The following BANP variants were observed in gnomAD, a reference collection of about 807,000 sequenced individuals.
BANP encodes protein BANP.
In BANP, 11 loss-of-function variants were observed where a neutral mutation model predicts 68.1. That is an observed-to-expected ratio of 0.16 (90% CI 0.10 to 0.27). The LOEUF (loss-of-function observed/expected upper bound fraction) is 0.27, where lower values mean the gene tolerates loss of function less well. BANP is among the 10% of genes least tolerant of loss of function. The pLI is 1.00. For missense variants in BANP, 504 were observed against 722.7 expected, an observed-to-expected ratio of 0.70 and a Z score of 3.47; for synonymous variants, 329 against 303.2, an observed-to-expected ratio of 1.09 and a Z score of -0.88.
chr16:88,005,659 G>T (rs1279124660), intron 5 of BANP, among the ~76,000 whole-genome samples: 1 of 152,178 alleles, frequency 6.6e-6, no homozygotes, highest in African/African-American at 2.4e-5. Flanking sequence ...CTCGCATTGC[G>T]AGGGGGAGCC....
At chr16:88,001,887 G>A (rs1278682521) in intron 4 of BANP, among the ~76,000 whole-genome samples, 1 of 146,892 alleles carries the variant, frequency 6.8e-6, no homozygotes, top group Non-Finnish European at 1.5e-5. Context: ...AAAAATTTAT[G>A]TTCCTAACCA....
At chr16:88,052,138 C>G (rs1424505318) in intron 11 of BANP, among the ~76,000 whole-genome samples, 1 of 152,138 alleles carries the variant, frequency 6.6e-6, no homozygotes, top group Non-Finnish European at 1.5e-5. Flanking sequence ...GTTCTAATTA[C>G]TACTAAATTG....
In BANP at chr16:88,004,373, C is replaced by G; in HGVS notation, c.441C>G (p.Ser147Arg). 1 of 1,547,542 alleles carries G rather than the reference C, an allele frequency of 6.5e-7. No individual in the cohort carries two copies. The highest frequency in any genetic ancestry group is 8.7e-7 in the Non-Finnish European group (1 of 1,144,394). The change falls in exon 5 of 14, where the codon AGC (serine) becomes AGG (arginine). Residue 147 changes from serine to arginine, a missense_variant. Transcript: ENST00000682872. The surrounding 1 kb of genome is among the most constrained non-coding windows in gnomAD (Gnocchi z 7.0). ...AIVAKMEDPLSNRAPDSLENV... is the reference protein window; with the variant it reads ...AIVAKMEDPLRNRAPDSLENV... Reference sequence around the variant, plus strand: ...TAGCCAAGATGGAAGACCCCTTGAGCAACAGGGCACCGGATTCCCTGGAAA... The same window carrying G: ...TAGCCAAGATGGAAGACCCCTTGAGGAACAGGGCACCGGATTCCCTGGAAA...
chr16:88,041,981 C>T (rs963015482), intron 11 of BANP, among the ~76,000 whole-genome samples: 2 of 152,056 alleles, frequency 1.3e-5, no homozygotes, highest in Non-Finnish European at 2.9e-5. Context: ...GGGTGAGAGA[C>T]GCAGTAGGAG....
chr16:88,029,419 C>T (rs2077656516), intron 8 of BANP, among the ~76,000 whole-genome samples: 1 of 148,752 alleles, frequency 6.7e-6, no homozygotes, highest in Non-Finnish European at 1.5e-5. Flanking sequence ...ACCATCCTGG[C>T]TAACACGGTG....
chr16:88,028,984 C>A (rs571542458), intron 8 of BANP, among the ~76,000 whole-genome samples: 100 of 152,294 alleles, frequency 6.6e-4, no homozygotes, highest in African/African-American at 2.4e-3. Flanking sequence ...ATAAGCACTG[C>A]ATTAGTTTTA....
chr16:88,008,760 T>A (rs2072068505), intron 6 of BANP, among the ~76,000 whole-genome samples: 1 of 152,248 alleles, frequency 6.6e-6, no homozygotes, highest in South Asian at 2.1e-4. Flanking sequence ...TACCACTGAT[T>A]GTTCTCATCA....
intron 4 of BANP, among the ~76,000 whole-genome samples, chr16:87,996,316 T>G (rs2067189381): frequency 6.6e-6 from 1 of 152,234 alleles, no homozygotes; most frequent in African/African-American, 2.4e-5. Context: ...CTTCCGATGC[T>G]AACCTCTGCT....
Position 87,997,084 on chromosome 16 carries a change from A to G in BANP, c.363-7211A>G, listed in dbSNP as rs143933762. On this transcript the variant is annotated intron_variant, in intron 4 of 13. Coordinates refer to ENST00000682872, the MANE Select transcript of BANP (RefSeq NM_001386991.1). ...CAGAAGAGAAATGGAAGGCCACTTT[A>G]TAAGCTCAGCGTAGAAAATGTTTGC... Among the ~76,000 whole-genome samples, 1,203 of 152,302 alleles carry G rather than the reference A, an allele frequency of 7.9e-3. 13 individuals are homozygous for G. The highest frequency in any genetic ancestry group is 0.027 in the African/African-American group (1,135 of 41,558).
chr16:88,034,028 C>T (rs1598677769), intron 9 of BANP, among the ~76,000 whole-genome samples: 1 of 152,214 alleles, frequency 6.6e-6, no homozygotes, highest in Non-Finnish European at 1.5e-5. Flanking sequence ...CATCGTGTGC[C>T]TCCGTGTCAC....
At chr16:88,047,434 A>G (rs1333759025) in intron 11 of BANP, among the ~76,000 whole-genome samples, 1 of 152,142 alleles carries the variant, frequency 6.6e-6, no homozygotes, top group African/African-American at 2.4e-5. Flanking sequence ...CAGGAAGCTG[A>G]GTTTGGCCCC....
intron 7 of BANP, among the ~76,000 whole-genome samples, chr16:88,026,560 G>A (rs953849645): frequency 6.6e-6 from 1 of 152,160 alleles, no homozygotes; most frequent in African/African-American, 2.4e-5. Flanking sequence ...TGTTTGCGAG[G>A]GGAACAGAAT....
At chr16:87,976,680 T>A (rs1003174817) in intron 2 of BANP, among the ~76,000 whole-genome samples, 2 of 152,186 alleles carry the variant, frequency 1.3e-5, no homozygotes, top group African/African-American at 4.8e-5. Flanking sequence ...TCCGTTCATA[T>A]GATCTGTTTG....
rs1356359846 is a variant in BANP at position 88,033,190 on chromosome 16, C to A, written c.1145C>A (p.Ala382Asp). Reference sequence around the variant, plus strand: ...CCGCAGGCCCTGCACTACGCGCTGGCCAACGCACAGCAGGTGCAGATCCAC... The same window carrying A: ...CCGCAGGCCCTGCACTACGCGCTGGACAACGCACAGCAGGTGCAGATCCAC... ...PQPQALHYAL[A>D]NAQQVQIHQI... The change falls in exon 9 of 14, where the codon GCC (alanine) becomes GAC (aspartate). Residue 382 changes from alanine (A) to aspartate (D), a missense_variant. Physicochemically the swap from Ala to Asp is moderately radical, Grantham distance 126. Around this residue, in one of 3 missense-constraint regions of BANP, gnomAD observed 223 missense variants for 246.2 expected, o/e 0.91. Coordinates refer to ENST00000682872, the MANE Select transcript of BANP (RefSeq NM_001386991.1). The A allele has an allele frequency of 6.2e-7, 1 of 1,610,838 alleles. No homozygotes were observed. The highest frequency in any genetic ancestry group is 1.7e-5 in the Admixed American group (1 of 59,934).
chr16:88,054,344 C>T (rs1350765231), intron 11 of BANP, among the ~76,000 whole-genome samples: 2 of 141,284 alleles, frequency 1.4e-5, no homozygotes, highest in Admixed American at 1.4e-4. Context: ...ATCATCACCA[C>T]CAACACAGCC....
chr16:87,989,403 G>C (rs1166563757), intron 4 of BANP, among the ~76,000 whole-genome samples: 1 of 152,228 alleles, frequency 6.6e-6, no homozygotes, highest in Non-Finnish European at 1.5e-5. Context: ...TATGTCACAT[G>C]GTCTGCAGGG....
At chr16:88,075,377 C>G (rs2091373682) in intron 13 of BANP, among the ~76,000 whole-genome samples, 1 of 152,156 alleles carries the variant, frequency 6.6e-6, no homozygotes, top group Admixed American at 6.5e-5. Flanking sequence ...GTGGTGTGCA[C>G]TGGTGGTCCC....
intron 2 of BANP, among the ~76,000 whole-genome samples, chr16:87,975,430 C>T (rs1334583574): frequency 2.0e-5 from 3 of 152,200 alleles, no homozygotes; most frequent in Non-Finnish European, 4.4e-5. Context: ...ATCCCTGCTC[C>T]CACTCCTTGG....
At chr16:88,072,826 C>T (rs552775536) in intron 13 of BANP, among the ~76,000 whole-genome samples, 29 of 152,338 alleles carry the variant, frequency 1.9e-4, no homozygotes, top group Admixed American at 5.2e-4. Flanking sequence ...GCCCTGCATC[C>T]GGGAGCAGTC....
Sources: allele counts gnomAD v4.1 joint callset (sites outside exome capture counted in the v4.1 genomes callset), GRCh38; gene constraint gnomAD v4.1.1; regional missense constraint gnomAD v4.1.1; non-coding constraint Gnocchi (gnomAD v3.1); transcripts MANE v1.5; gene names NCBI Gene and HGNC (gene_info 2026-07-23, HGNC 2026-07-21).